Variants in BNC2 observed in about 807,000 individuals in gnomAD.
The protein encoded by BNC2 is basonuclin zinc finger protein 2, also known as zinc finger protein basonuclin-2.
A neutral mutation model predicts 76.3 loss-of-function variants in BNC2; 20 were observed. The ratio of observed to expected loss-of-function variants is 0.26; its 90% CI spans 0.18 to 0.38. The LOEUF is 0.38. Among genes scored for constraint, BNC2 ranks in the 10% least tolerant of loss-of-function variants. BNC2 has a pLI of 1.00. For missense variants in BNC2, 1,382 were observed against 1,399.8 expected (o/e 0.99, Z 0.20); for synonymous variants, 582 against 514.8 (o/e 1.13, Z -1.77).
intron 1 of BNC2, chr9:16,832,316 C>A: frequency 7.9e-7 from 1 of 1,269,040 alleles, no homozygotes; most frequent in African/African-American, 1.5e-5. Context: ...GAAAAGAAGC[C>A]ATGAAGCACA....
chr9:16,479,692 C>T (rs1427076562), intron 5 of BNC2, among the ~76,000 whole-genome samples: 2 of 152,218 alleles, frequency 1.3e-5, no homozygotes, highest in African/African-American at 2.4e-5. Flanking sequence ...TGGGTCAGCA[C>T]TCATTTTTAA....
chr9:16,509,480 G>T (rs1822704857), intron 5 of BNC2, among the ~76,000 whole-genome samples: 1 of 152,168 alleles, frequency 6.6e-6, no homozygotes, highest in South Asian at 2.1e-4. Flanking sequence ...CAGACATACT[G>T]GGAATCCATA....
At chr9:16,686,986 GAGTCACTA>G (rs1822997900) in intron 3 of BNC2, among the ~76,000 whole-genome samples, 2 of 152,200 alleles carry the variant, frequency 1.3e-5, no homozygotes, top group African/African-American at 4.8e-5. Context: ...GCCAATGCGC[GAGTCACTA>G]TGTGGGGAAT....
chr9:16,631,783 G>A (rs1329604487), intron 3 of BNC2, among the ~76,000 whole-genome samples: 1 of 152,186 alleles, frequency 6.6e-6, no homozygotes, highest in Non-Finnish European at 1.5e-5. Flanking sequence ...GAAACACACA[G>A]AGATTTCCAG....
At chr9:16,866,143 TTAACA>T (rs1454529379) in intron 1 of BNC2, among the ~76,000 whole-genome samples, 1 of 152,288 alleles carries the variant, frequency 6.6e-6, no homozygotes, top group East Asian at 1.9e-4. Context: ...CAATGACTCT[TTAACA>T]TAACTGTATC....
chr9:16,599,558 T>G (rs1587219283), intron 3 of BNC2, among the ~76,000 whole-genome samples: 1 of 152,188 alleles, frequency 6.6e-6, no homozygotes, highest in South Asian at 2.1e-4. Context: ...CCGAGGTAGG[T>G]GGATCACCTG....
intron 3 of BNC2, among the ~76,000 whole-genome samples, chr9:16,607,765 A>G (rs1324857837): frequency 1.3e-5 from 2 of 152,230 alleles, no homozygotes; most frequent in Non-Finnish European, 1.5e-5. Context: ...TAAGACTTCC[A>G]GATGGAAGGC....
chr9:16,737,866 T>A (rs1439246936), intron 2 of BNC2, among the ~76,000 whole-genome samples: 1 of 152,112 alleles, frequency 6.6e-6, no homozygotes, highest in Non-Finnish European at 1.5e-5. Context: ...GTTCAGGTAG[T>A]GTTATGTATC....
chr9:16,435,610 C>T lies in BNC2; in HGVS notation c.2584G>A (p.Val862Ile), dbSNP rs780002369. Residue 862 changes from valine (V) to isoleucine (I), a missense_variant, in exon 6 of 7, where the codon GTC becomes ATC. Val to Ile is a conservative substitution (Grantham distance 29). This residue lies in a region of BNC2 where 798 missense variants were observed against 775.5 expected (regional missense o/e 1.03). Transcript: ENST00000380672. ...GCATTGCAACCAGCCACTGTGCAGA[C>T]GTGCATCTCTTTCAAGTGAACGTTC... ...YRNVHLKEMH[V>I]CTVAGCNAAF... 2.7e-5 allele frequency: 43 copies of T among 1,614,136 alleles called. No homozygotes were observed. The South Asian group carries it at 3.7e-4, about 14-fold the overall frequency.
chr9:16,621,275 C>A (rs1240191565), intron 3 of BNC2, among the ~76,000 whole-genome samples: 1 of 152,112 alleles, frequency 6.6e-6, no homozygotes, highest in African/African-American at 2.4e-5. Flanking sequence ...CAGTCCAGGG[C>A]AGCACCAGGG....
At chr9:16,585,588 C>T (rs553901415) in intron 3 of BNC2, among the ~76,000 whole-genome samples, 6 of 152,232 alleles carry the variant, frequency 3.9e-5, no homozygotes, top group African/African-American at 1.4e-4. Flanking sequence ...ACTATTGCCG[C>T]TTCAAAGGAA....
intron 5 of BNC2, among the ~76,000 whole-genome samples, chr9:16,528,339 A>G (rs1356794854): frequency 6.6e-6 from 1 of 152,178 alleles, no homozygotes; most frequent in Non-Finnish European, 1.5e-5. Context: ...AGAAATTTTC[A>G]GTTCCTAGAG....
intron 3 of BNC2, among the ~76,000 whole-genome samples, chr9:16,681,109 G>A (rs1334039742): frequency 6.6e-6 from 1 of 152,164 alleles, no homozygotes; most frequent in African/African-American, 2.4e-5. Flanking sequence ...CAGAATTGAG[G>A]CACTCAAAGG....
intron 3 of BNC2, among the ~76,000 whole-genome samples, chr9:16,668,115 T>A (rs750774502): frequency 1.3e-5 from 2 of 152,194 alleles, no homozygotes; most frequent in Non-Finnish European, 2.9e-5. Context: ...GAAGCTCCCA[T>A]GGAAAGACCA....
At chr9:16,755,996 C>T (rs1221789018) in intron 1 of BNC2, among the ~76,000 whole-genome samples, 1 of 152,142 alleles carries the variant, frequency 6.6e-6, no homozygotes, top group Non-Finnish European at 1.5e-5. Flanking sequence ...AGTCATGTGC[C>T]AAACCAACGC....
At chr9:16,503,473 A>T (rs1587106212) in intron 5 of BNC2, among the ~76,000 whole-genome samples, 1 of 152,306 alleles carries the variant, frequency 6.6e-6, no homozygotes, top group African/African-American at 2.4e-5. Context: ...AATACAAAAT[A>T]CATGGGCCCA....
intron 1 of BNC2, among the ~76,000 whole-genome samples, chr9:16,866,069 A>C (rs1456861756): frequency 6.6e-6 from 1 of 152,178 alleles, no homozygotes; most frequent in African/African-American, 2.4e-5. Context: ...TTAAATGATA[A>C]ATATGTTTGT....
chr9:16,436,900 T>A lies in BNC2; in HGVS notation c.1294A>T (p.Met432Leu). The A allele has an allele frequency of 6.2e-7, 1 of 1,614,138 alleles. No homozygotes were observed. The highest frequency in any genetic ancestry group is 8.5e-7 in the Non-Finnish European group (1 of 1,180,040). ...CTTCCTTTCCTAGAGGCTGACCCCA[T>A]CCTTCTCATCCGATGAATCCGGAAT... Reference protein sequence around the residue: ...SSFRIHRMRRMGSASRKGRVF... With the variant: ...SSFRIHRMRRLGSASRKGRVF... Residue 432 changes from methionine to leucine, a missense_variant, in exon 6 of 7, where the codon ATG (methionine) becomes TTG (leucine). Coordinates refer to ENST00000380672, the MANE Select transcript of BNC2 (RefSeq NM_017637.6).
chr9:16,725,238 C>CACAA (rs1824277308), intron 3 of BNC2, among the ~76,000 whole-genome samples: 1 of 152,016 alleles, frequency 6.6e-6, no homozygotes, highest in South Asian at 2.1e-4. Flanking sequence ...CACACACACA[C>CACAA]ACACACACAC....
Sources: allele counts gnomAD v4.1 joint callset (sites outside exome capture counted in the v4.1 genomes callset), GRCh38; gene constraint gnomAD v4.1.1; regional missense constraint gnomAD v4.1.1; transcripts MANE v1.5; gene names NCBI Gene and HGNC (gene_info 2026-07-23, HGNC 2026-07-21).